HERC2: variants seen among roughly 807,000 people sequenced by gnomAD.
The protein encoded by HERC2 is E3 ubiquitin-protein ligase HERC2.
In HERC2, 102 loss-of-function variants were observed where a neutral mutation model predicts 537.7. The ratio of observed to expected loss-of-function variants is 0.19; its 90% CI spans 0.16 to 0.22. HERC2 has a LOEUF of 0.22. Among genes scored for constraint, HERC2 ranks in the 10% least tolerant of loss-of-function variants. HERC2 has a pLI of 1.00. For missense variants in HERC2, 4,236 were observed against 6,198.2 expected (o/e 0.68, Z 10.63); for synonymous variants, 2,224 against 2,466.2 (o/e 0.90, Z 2.91).
At chr15:28,133,039 A>C (rs983561166) in intron 79 of HERC2, among the ~76,000 whole-genome samples, 3 of 152,140 alleles carry the variant, frequency 2.0e-5, no homozygotes, top group Admixed American at 1.3e-4. Context: ...GCTCTGACTC[A>C]GAGGCTGGAA....
At chr15:28,303,424 T>A (rs2076689861) in intron 2 of HERC2, among the ~76,000 whole-genome samples, 1 of 152,170 alleles carries the variant, frequency 6.6e-6, no homozygotes, top group African/African-American at 2.4e-5. Flanking sequence ...AACTTTGCAC[T>A]TGATCTAAGC....
intron 76 of HERC2, 74 bp downstream of exon 76, chr15:28,142,164 A>T (rs1413042984): frequency 6.6e-6 from 10 of 1,512,478 alleles, no homozygotes; most frequent in Admixed American, 4.2e-5. Flanking sequence ...GTCTCGTAAT[A>T]TTGGCATCTT....
Position 28,276,192 on chromosome 15 carries a change from C to CAAAAAAAAAAAAA in HERC2, c.543-1200_543-1188dup, listed in dbSNP as rs11359639. 3.0e-4 allele frequency among the ~76,000 whole-genome samples: 21 copies of CAAAAAAAAAAAAA among 70,104 alleles called. 1 individual carries two copies. Among genetic ancestry groups the CAAAAAAAAAAAAA allele is most frequent in the African/African-American group, 5.6e-4 (11 of 19,778 alleles). 46.0% of individuals were successfully genotyped at this position (70,104 alleles called of 152,430 possible). A position where few individuals can be genotyped will look rare whatever the true frequency, so the allele number is the denominator to read the frequency against. The stretch of plus-strand genomic sequence containing the variant: ...CAGAGCAAGACTCCATCTCAAAAAA[C>CAAAAAAAAAAAAA]AAAAAAAAAAAAAAAAAAAAAAAAA... On this transcript the variant is annotated intron_variant, in intron 5 of 92. Coordinates refer to ENST00000261609, the MANE Select transcript of HERC2 (RefSeq NM_004667.6).
chr15:28,210,418 G>A (rs193112195), intron 44 of HERC2, among the ~76,000 whole-genome samples: 1 of 152,352 alleles, frequency 6.6e-6, no homozygotes, highest in South Asian at 2.1e-4. Flanking sequence ...TTACAGGCAT[G>A]AGCCATTGTG....
intron 43 of HERC2, among the ~76,000 whole-genome samples, 153 bp from the exon 44 acceptor site, chr15:28,211,298 CCAGAGTTA>C (rs1293523540): frequency 2.7e-5 from 4 of 150,718 alleles, no homozygotes; most frequent in Admixed American, 2.0e-4. Flanking sequence ...CTTGCCTTTC[CCAGAGTTA>C]CACTCGGTGC....
intron 80 of HERC2, among the ~76,000 whole-genome samples, 182 bp downstream of exon 80, chr15:28,132,471 G>T (rs550212454): frequency 6.6e-6 from 1 of 152,204 alleles, no homozygotes; most frequent in Admixed American, 6.5e-5. Context: ...AGGTATCAGC[G>T]TCTTTGATGA....
chr15:28,202,499 A>G lies in HERC2; in HGVS notation c.7328T>C (p.Ile2443Thr). ...GCGCCTCTTCACTCTGGCAGGGCGG[A>G]TGTGCTGCACGGCGACAGGCGTGGT... ...EATTPVAVQHIRPARVKRRKQ... is the reference protein window; with the variant it reads ...EATTPVAVQHTRPARVKRRKQ... The change falls in exon 46 of 93, where the codon ATC becomes ACC. Residue 2443 changes from isoleucine (I) to threonine (T), a missense_variant. By Grantham distance (89) the Ile-to-Thr change is moderately conservative (BLOSUM62 -1). Around this residue, in one of 27 missense-constraint regions of HERC2, gnomAD observed 35 missense variants for 68.7 expected, o/e 0.51. Coordinates refer to ENST00000261609, the MANE Select transcript of HERC2 (RefSeq NM_004667.6). 7.3e-7 allele frequency: 1 copy of G among 1,364,620 alleles called. No individual in the cohort carries two copies. The allele number at this position is 1,364,620 out of a possible 1,614,324, so 84.5% of individuals were successfully genotyped here.
intron 42 of HERC2, chr15:28,212,827 T>G (rs1283078135): frequency 1.8e-6 from 1 of 559,426 alleles, no homozygotes; most frequent in Non-Finnish European, 2.3e-6. Flanking sequence ...ATCAGTGTGG[T>G]GGTTACTATC....
At chr15:28,222,508 T>C (rs1900628745) in intron 35 of HERC2, among the ~76,000 whole-genome samples, 1 of 152,110 alleles carries the variant, frequency 6.6e-6, no homozygotes, top group Non-Finnish European at 1.5e-5. Context: ...AATAACTAAG[T>C]TAGAAAGATA....
chr15:28,256,269 C>A lies in HERC2; in HGVS notation c.2566G>T (p.Gly856Cys), dbSNP rs1397901805. The A allele has an allele frequency of 6.3e-7, 1 of 1,597,844 alleles. No individual in the cohort carries two copies. Residue 856 changes from glycine to cysteine, a missense_variant, in exon 18 of 93, where the codon GGT becomes TGT. Around this residue, in one of 27 missense-constraint regions of HERC2, gnomAD observed 754 missense variants for 1,085.0 expected, o/e 0.69. Coordinates refer to ENST00000261609, the MANE Select transcript of HERC2 (RefSeq NM_004667.6). The stretch of plus-strand genomic sequence containing the variant: ...CTGTTCAGGAGGATGCTGCCCAGAC[C>A]TAAACCAAGGAATTCCGGGTCAACC... ...HQVDPEFLGL[G>C]LGSILLNSLK...
chr15:28,246,850 G>A lies in HERC2; in HGVS notation c.3283C>T (p.Leu1095Phe). The change falls in exon 22 of 93, where the codon CTC (leucine) becomes TTC (phenylalanine). Residue 1095 changes from leucine to phenylalanine, a missense_variant. Around this residue, in one of 27 missense-constraint regions of HERC2, gnomAD observed 754 missense variants for 1,085.0 expected, o/e 0.69. Coordinates refer to ENST00000261609, the MANE Select transcript of HERC2 (RefSeq NM_004667.6). ...ATATCTCCAATGTGCGTGCACAGGA[G>A]GGCTGTGTACTTCTTCAGCAAGGAA... ...VGSLLKKYTA[L>F]LCTHIGDILP... 1 of 1,611,870 alleles carries A rather than the reference G, an allele frequency of 6.2e-7. No homozygotes were observed. Among genetic ancestry groups the A allele is most frequent in the South Asian group, 1.1e-5 (1 of 90,432 alleles).
chr15:28,298,615 G>A (rs1213942064), intron 3 of HERC2: 1 of 150,712 alleles, frequency 6.6e-6, no homozygotes, highest in African/African-American at 2.4e-5. Flanking sequence ...CTAACACGGT[G>A]AAACCCTGTC....
At chr15:28,215,911 C>G (rs1899849884) in intron 38 of HERC2, 109 bp from the exon 39 acceptor site, 1 of 812,504 alleles carries the variant, frequency 1.2e-6, no homozygotes. Flanking sequence ...AAATAAGCTC[C>G]TTTACAAATA....
At chr15:28,130,108 C>T (rs1399631493) in intron 83 of HERC2, 55 bp downstream of exon 83, 60 of 1,603,426 alleles carry the variant, frequency 3.7e-5, no homozygotes, top group Non-Finnish European at 4.0e-5. Flanking sequence ...GTCCTTCATG[C>T]TCAACCCTCT....
intron 2 of HERC2, among the ~76,000 whole-genome samples, chr15:28,304,983 G>T (rs2076744675): frequency 6.7e-6 from 1 of 148,998 alleles, no homozygotes; most frequent in Non-Finnish European, 1.5e-5. Flanking sequence ...TTTTATTCTT[G>T]CGATAGTTTA....
chr15:28,230,551 T>C (rs1901720234), intron 30 of HERC2, 51 bp from the exon 31 acceptor site: 1 of 1,059,980 alleles, frequency 9.4e-7, no homozygotes, highest in East Asian at 2.5e-5. Context: ...TAAATATTAA[T>C]TTTAAATTAA....
intron 63 of HERC2, 40 bp from the exon 64 acceptor site, chr15:28,175,696 T>C (rs769673766): frequency 1.2e-6 from 2 of 1,607,900 alleles, no homozygotes; most frequent in South Asian, 2.2e-5. Flanking sequence ...AATACGGTTA[T>C]GGTCTGACAA....
At chr15:28,170,807 A>G (rs534629224) in intron 65 of HERC2, among the ~76,000 whole-genome samples, 1 of 148,536 alleles carries the variant, frequency 6.7e-6, no homozygotes, top group East Asian at 2.0e-4. Flanking sequence ...AACTCAACAG[A>G]AAAAAAAAAA....
In HERC2 at chr15:28,175,664, A is replaced by G. The variant is rs374708859; in HGVS notation, c.9687-8T>C. ...AAGTAATCCCCCTTTCCCCTGAGAG[A>G]AGGCCCATGGTGGAGAGTTACAATA... On this transcript the variant is annotated splice_region_variant and splice_polypyrimidine_tract_variant and intron_variant, in intron 63 of 92. Coordinates refer to ENST00000261609, the MANE Select transcript of HERC2 (RefSeq NM_004667.6). 71 of 1,613,982 alleles carry G rather than the reference A, an allele frequency of 4.4e-5. No individual in the cohort carries two copies. Among genetic ancestry groups the G allele is most frequent in the Non-Finnish European group, 5.5e-5 (65 of 1,179,984 alleles).
Sources: gnomAD v4.1 joint callset for allele counts (sites outside exome capture counted in the v4.1 genomes callset) on GRCh38, gnomAD v4.1.1 for gene constraint, gnomAD v4.1.1 regional missense constraint, MANE v1.5 for transcripts, NCBI Gene and HGNC (gene_info 2026-07-23, HGNC 2026-07-21) for gene names.